Variants in ATXN1 observed in about 807,000 individuals in gnomAD.
ATXN1 encodes the protein ataxin 1, also known as ataxin-1.
Under a neutral mutation model 56.4 loss-of-function variants are expected in ATXN1, and 8 were observed. That is an observed-to-expected ratio of 0.14 (90% confidence interval 0.08 to 0.26). The LOEUF (loss-of-function observed/expected upper bound fraction) is 0.26, where lower values mean the gene tolerates loss of function less well. ATXN1 is among the 10% of genes least tolerant of loss of function. The pLI is 1.00. For missense variants in ATXN1, 987 were observed against 1,106.5 expected, an observed-to-expected ratio of 0.89 and a Z score of 1.53; for synonymous variants, 514 against 494.6, an observed-to-expected ratio of 1.04 and a Z score of -0.52.
chr6:16,483,508 T>A (rs1382746295), intron 6 of ATXN1, among the ~76,000 whole-genome samples: 1 of 152,064 alleles, frequency 6.6e-6, no homozygotes. Context: ...AACATCACAG[T>A]TTACTAAGAA....
At chr6:16,451,227 G>A (rs2113612469) in intron 6 of ATXN1, among the ~76,000 whole-genome samples, 1 of 152,282 alleles carries the variant, frequency 6.6e-6, no homozygotes, top group South Asian at 2.1e-4. Context: ...CAGAACTTTG[G>A]GATGCCCAGG....
chr6:16,413,556 G>A (rs761309964), intron 6 of ATXN1, among the ~76,000 whole-genome samples: 20 of 152,230 alleles, frequency 1.3e-4, no homozygotes, highest in Middle Eastern at 3.4e-3. Flanking sequence ...TTTAATGAAT[G>A]GATGAGTGAA....
chr6:16,734,634 A>C (rs1760070781), intron 2 of ATXN1, among the ~76,000 whole-genome samples: 1 of 152,120 alleles, frequency 6.6e-6, no homozygotes. Flanking sequence ...CAGCCTCCTG[A>C]GTAGCGGGGA....
At chr6:16,562,230 A>G (rs28435888) in intron 4 of ATXN1, among the ~76,000 whole-genome samples, 46,308 of 151,300 alleles carry the variant, frequency 0.31, 7,675 homozygotes, top group East Asian at 0.65. Flanking sequence ...AAAATTAGCC[A>G]GGTGTGGTGG....
At chr6:16,633,997 T>G (rs866728832) in intron 3 of ATXN1, among the ~76,000 whole-genome samples, 6 of 152,332 alleles carry the variant, frequency 3.9e-5, no homozygotes, top group Middle Eastern at 6.8e-3. Flanking sequence ...ATTCACTTGC[T>G]TCTGATTACC....
chr6:16,327,857 C>A lies in ATXN1; in HGVS notation c.454G>T (p.Ala152Ser). 1.2e-6 allele frequency: 2 copies of A among 1,607,338 alleles called. No individual in the cohort carries two copies. Among genetic ancestry groups the A allele is most frequent in the Non-Finnish European group, 1.7e-6 (2 of 1,179,872 alleles). The change falls in exon 7 of 8, where the codon GCC (alanine) becomes TCC (serine). Residue 152 changes from alanine to serine, a missense_variant. Physicochemically the swap from Ala to Ser is moderately conservative, Grantham distance 99. Transcript: ENST00000436367. ...FIPSQLIPPT[A>S]NPVTSAVASA... Reference sequence around the variant, plus strand: ...GCCACTGCACTGGTGACGGGGTTGGCGGTTGGGGGGATCAGCTGTGATGGG... The same window carrying A: ...GCCACTGCACTGGTGACGGGGTTGGAGGTTGGGGGGATCAGCTGTGATGGG...
At chr6:16,641,640 G>A (rs1417200740) in intron 3 of ATXN1, among the ~76,000 whole-genome samples, 1 of 152,204 alleles carries the variant, frequency 6.6e-6, no homozygotes, top group Non-Finnish European at 1.5e-5. Flanking sequence ...AAATATACAA[G>A]GAGATTCATG....
chr6:16,753,849 A>G (rs907913235), intron 1 of ATXN1, among the ~76,000 whole-genome samples: 13 of 152,130 alleles, frequency 8.5e-5, no homozygotes, highest in African/African-American at 2.4e-4. Flanking sequence ...AAAAATGCAG[A>G]AAAAAAGTGT....
rs1760217331 is a variant in ATXN1 at position 16,305,422 on chromosome 6, G to A, written c.*907C>T. ...CAGTTTGCATCTACCTCTTGGGAGT[G>A]AAGTCAATGCAATAACCTGATTGGT... On this transcript the variant is annotated 3_prime_UTR_variant, in exon 8 of 8. Transcript: ENST00000436367. The A allele has an allele frequency of 6.6e-6, 1 of 152,666 alleles. No homozygotes were observed. Among genetic ancestry groups the A allele is most frequent in the Non-Finnish European group, 1.5e-5 (1 of 68,050 alleles). The allele number at this position is 152,666 out of a possible 1,614,324, so 9.5% of individuals were successfully genotyped here. A position where few individuals can be genotyped will look rare whatever the true frequency, so the allele number is the denominator to read the frequency against.
At chr6:16,605,787 T>C (rs1581878577) in intron 3 of ATXN1, among the ~76,000 whole-genome samples, 3 of 152,234 alleles carry the variant, frequency 2.0e-5, no homozygotes, top group Non-Finnish European at 2.9e-5. Flanking sequence ...TGGAACAAGC[T>C]ATAGAAACTT....
At chr6:16,401,852 G>A (rs1188892744) in intron 6 of ATXN1, among the ~76,000 whole-genome samples, 2 of 152,100 alleles carry the variant, frequency 1.3e-5, no homozygotes, top group Admixed American at 1.3e-4. Context: ...TTTTTATGCT[G>A]TTGATAAAGA....
At chr6:16,701,592 T>G (rs1188714208) in intron 2 of ATXN1, among the ~76,000 whole-genome samples, 1 of 152,302 alleles carries the variant, frequency 6.6e-6, no homozygotes, top group East Asian at 1.9e-4. Flanking sequence ...AACCCCATTG[T>G]CTCAGCCCAA....
intron 4 of ATXN1, among the ~76,000 whole-genome samples, chr6:16,536,999 A>C (rs1217080018): frequency 2.0e-5 from 3 of 151,136 alleles, no homozygotes; most frequent in Admixed American, 1.3e-4. Flanking sequence ...TTATTTACTC[A>C]TTCTACCTTC....
At chr6:16,318,679 G>C (rs563375190) in intron 7 of ATXN1, among the ~76,000 whole-genome samples, 2 of 152,320 alleles carry the variant, frequency 1.3e-5, no homozygotes, top group Admixed American at 1.3e-4. Flanking sequence ...GTGTTTCAGG[G>C]TTGTTCAGTA....
At chr6:16,399,922 C>T (rs1758533997) in intron 6 of ATXN1, among the ~76,000 whole-genome samples, 1 of 152,170 alleles carries the variant, frequency 6.6e-6, no homozygotes, top group African/African-American at 2.4e-5. Flanking sequence ...GTTGCCTGGG[C>T]TCCTGGAGGA....
intron 2 of ATXN1, among the ~76,000 whole-genome samples, chr6:16,693,933 G>A (rs952934477): frequency 3.3e-5 from 5 of 152,140 alleles, no homozygotes; most frequent in African/African-American, 1.2e-4. Context: ...CTGGGATTCC[G>A]ACACACTAAT....
At chr6:16,447,541 A>G (rs1371153563) in intron 6 of ATXN1, among the ~76,000 whole-genome samples, 1 of 152,050 alleles carries the variant, frequency 6.6e-6, no homozygotes, top group African/African-American at 2.4e-5. Flanking sequence ...ATTTTTTATC[A>G]AGGCAGAATC....
chr6:16,753,669 A>G (rs1273292262), intron 1 of ATXN1, among the ~76,000 whole-genome samples: 2 of 152,200 alleles, frequency 1.3e-5, no homozygotes, highest in Non-Finnish European at 2.9e-5. Context: ...TGATAAACAC[A>G]TGCTGGTAAC....
intron 4 of ATXN1, among the ~76,000 whole-genome samples, chr6:16,544,232 G>A (rs1186582909): frequency 6.6e-6 from 1 of 152,216 alleles, no homozygotes; most frequent in East Asian, 1.9e-4. Context: ...TTTGACCTCA[G>A]AGGAATGTGA....
Sources: allele counts gnomAD v4.1 joint callset (sites outside exome capture counted in the v4.1 genomes callset), GRCh38; gene constraint gnomAD v4.1.1; transcripts MANE v1.5; gene names NCBI Gene and HGNC (gene_info 2026-07-23, HGNC 2026-07-21).